PRKCH: variants seen among roughly 807,000 people sequenced by gnomAD.
The protein encoded by PRKCH is protein kinase C eta type.
Under a neutral mutation model 82.5 loss-of-function variants are expected in PRKCH, and 28 were observed. The ratio of observed to expected loss-of-function variants is 0.34; its 90% CI spans 0.25 to 0.47. PRKCH has a LOEUF of 0.47. Ranked by LOEUF, PRKCH falls within the 20% of genes least tolerant of loss-of-function variation. The pLI, the probability that PRKCH is intolerant of heterozygous loss-of-function variation, is 1.00. For synonymous variants in PRKCH, 322 were observed against 327.4 expected, an observed-to-expected ratio of 0.98 and a Z score of 0.18; for missense variants, 705 against 881.8, an observed-to-expected ratio of 0.80 and a Z score of 2.54.
At chr14:61,524,668 C>T (rs1887393673) in intron 10 of PRKCH, among the ~76,000 whole-genome samples, 1 of 152,156 alleles carries the variant, frequency 6.6e-6, no homozygotes, top group South Asian at 2.1e-4. Context: ...AGAGTGGAAG[C>T]TGACCATGAC....
chr14:61,363,132 C>T (rs2046251990), intron 1 of PRKCH, among the ~76,000 whole-genome samples: 1 of 152,074 alleles, frequency 6.6e-6, no homozygotes, highest in African/African-American at 2.4e-5. Flanking sequence ...CTTTCCATGT[C>T]AATAGCATAT....
At chr14:61,420,411 A>T (rs1004699349) in intron 2 of PRKCH, among the ~76,000 whole-genome samples, 5 of 152,232 alleles carry the variant, frequency 3.3e-5, no homozygotes, top group African/African-American at 1.2e-4. Context: ...GCATCAGTAT[A>T]AACAAGAACA....
In PRKCH at chr14:61,282,577, T is replaced by C. The variant is rs552694543; in HGVS notation, c.-19+94909T>C. 5.3e-5 allele frequency among the ~76,000 whole-genome samples: 8 copies of C among 152,304 alleles called. No homozygotes were observed. The South Asian group carries it at 1.7e-3, about 32-fold the overall frequency. ...ATGCTAATTAGACAAAAAAGGACCT[T>C]TGACCTCAAGGCATTTGCAGTTTGA... is the stretch of plus-strand genomic sequence containing the variant. On this transcript the variant is annotated intron_variant, in intron 1 of 3. Coordinates refer to the PRKCH transcript ENST00000555185.
chr14:61,454,418 A>C (rs184168940), intron 7 of PRKCH, among the ~76,000 whole-genome samples: 132 of 152,198 alleles, frequency 8.7e-4, no homozygotes, highest in Non-Finnish European at 1.7e-3. Context: ...TTTCTGTTTT[A>C]AAATCAGCTT....
At chr14:61,201,584 G>A (rs2044482135) in intron 1 of PRKCH, among the ~76,000 whole-genome samples, 4 of 152,002 alleles carry the variant, frequency 2.6e-5, no homozygotes, top group Admixed American at 2.6e-4. Flanking sequence ...TATAAAGTTA[G>A]GGGAAAGAGA....
chr14:61,252,221 C>T (rs555916569), intron 1 of PRKCH, among the ~76,000 whole-genome samples: 1 of 152,296 alleles, frequency 6.6e-6, no homozygotes, highest in East Asian at 1.9e-4. Context: ...CCCATGCCTG[C>T]CTCCCTTGGT....
chr14:61,550,132 T>C lies in PRKCH; in HGVS notation c.*301T>C, dbSNP rs1342924495. 1.1e-5 allele frequency: 3 copies of C among 267,130 alleles called. No individual in the cohort carries two copies. The Admixed American group carries it at 1.4e-4, about 13-fold the overall frequency. The allele number at this position is 267,130 out of a possible 1,614,324, so 16.5% of individuals were successfully genotyped here. ...ACAGGAGCCAAAAGGAGGGAAAGTG[T>C]GAAGAATAAAGTAGATCTGAGAAAT... is the stretch of plus-strand genomic sequence containing the variant. On this transcript the variant is annotated 3_prime_UTR_variant, in exon 14 of 14. Coordinates refer to ENST00000332981, the MANE Select transcript of PRKCH (RefSeq NM_006255.5).
chr14:61,322,501 A>G, intron 1 of PRKCH, 37 bp downstream of exon 1: 2 of 1,566,520 alleles, frequency 1.3e-6, no homozygotes, highest in Non-Finnish European at 1.7e-6. Flanking sequence ...GTGTCCACCC[A>G]ACCCCCGTTC....
intron 1 of PRKCH, among the ~76,000 whole-genome samples, chr14:61,376,097 G>A (rs990700801): frequency 6.6e-6 from 1 of 150,474 alleles, no homozygotes; most frequent in African/African-American, 2.5e-5. Context: ...GGCCTTTAAT[G>A]GGATTTTAAT....
intron 2 of PRKCH, among the ~76,000 whole-genome samples, chr14:61,406,088 G>A (rs1177880242): frequency 9.9e-5 from 15 of 152,166 alleles, no homozygotes; most frequent in Admixed American, 9.8e-4. Context: ...CACCTTGGCT[G>A]CTTCCAGTGG....
intron 1 of PRKCH, among the ~76,000 whole-genome samples, chr14:61,195,098 C>A (rs1174102963): frequency 1.3e-5 from 2 of 152,146 alleles, no homozygotes; most frequent in East Asian, 3.8e-4. Flanking sequence ...TTTTCCATTT[C>A]TCTATATTCT....
intron 6 of PRKCH, among the ~76,000 whole-genome samples, chr14:61,452,028 A>G (rs1478043016): frequency 6.6e-6 from 1 of 152,210 alleles, no homozygotes; most frequent in Non-Finnish European, 1.5e-5. Flanking sequence ...ATGGGTTCCC[A>G]GTGGGAAATC....
At chr14:61,212,886 A>G (rs1405827610) in intron 1 of PRKCH, among the ~76,000 whole-genome samples, 3 of 152,064 alleles carry the variant, frequency 2.0e-5, no homozygotes, top group Non-Finnish European at 4.4e-5. Flanking sequence ...CTGAAATAAC[A>G]TTTTCCAGTT....
At chr14:61,453,690 GTC>G (rs1394015540) in intron 7 of PRKCH, among the ~76,000 whole-genome samples, 1 of 148,712 alleles carries the variant, frequency 6.7e-6, no homozygotes, top group East Asian at 2.0e-4. Context: ...GTCTTCCTCT[GTC>G]ACCCAGGCTG....
chr14:61,496,697 C>A (rs1886682187), intron 10 of PRKCH, among the ~76,000 whole-genome samples: 1 of 152,164 alleles, frequency 6.6e-6, no homozygotes, highest in Non-Finnish European at 1.5e-5. Flanking sequence ...CAAGCCCAGC[C>A]CCTAGGACAA....
intron 1 of PRKCH, among the ~76,000 whole-genome samples, chr14:61,360,347 A>C (rs951358838): frequency 5.3e-5 from 8 of 152,134 alleles, no homozygotes; most frequent in African/African-American, 1.9e-4. Flanking sequence ...TCTACTAAAA[A>C]TATAAAAATT....
intron 2 of PRKCH, among the ~76,000 whole-genome samples, chr14:61,437,698 C>G (rs1045736180): frequency 1.3e-5 from 2 of 152,076 alleles, no homozygotes; most frequent in African/African-American, 4.8e-5. Flanking sequence ...AGTGTCAGTT[C>G]TAGCACAAGC....
intron 10 of PRKCH, among the ~76,000 whole-genome samples, chr14:61,520,336 A>G (rs2042888543): frequency 6.6e-6 from 1 of 152,116 alleles, no homozygotes; most frequent in Non-Finnish European, 1.5e-5. Context: ...CAATTGTAAC[A>G]AATTAAGAGA....
chr14:61,526,784 G>A (rs2042971046), intron 10 of PRKCH, among the ~76,000 whole-genome samples: 1 of 152,270 alleles, frequency 6.6e-6, no homozygotes, highest in Admixed American at 6.5e-5. Context: ...AGACGCCACA[G>A]CGAGGGGGGC....
Sources: allele counts gnomAD v4.1 joint callset (sites outside exome capture counted in the v4.1 genomes callset), GRCh38; gene constraint gnomAD v4.1.1; transcripts MANE v1.5; gene names NCBI Gene and HGNC (gene_info 2026-07-23, HGNC 2026-07-21).